FLRT2: variants seen among roughly 807,000 people sequenced by gnomAD.
FLRT2 encodes the protein leucine-rich repeat transmembrane protein FLRT2.
Under a neutral mutation model 40.0 loss-of-function variants are expected in FLRT2, and 15 were observed. That is an observed-to-expected ratio of 0.38 (90% confidence interval 0.25 to 0.58). FLRT2 has a LOEUF of 0.58. Among genes scored for constraint, FLRT2 ranks in the 20% least tolerant of loss-of-function variants. The pLI is 0.71. For missense variants in FLRT2, 726 were observed against 840.0 expected (o/e 0.86, Z 1.68); for synonymous variants, 380 against 336.8 (o/e 1.13, Z -1.41).
At position 85,622,179 on chromosome 14, in the gene FLRT2, C is replaced by G. The variant is rs144241609; in HGVS notation, c.665C>G (p.Ala222Gly). The change falls in exon 2 of 2, where the codon GCC becomes GGC. Residue 222 changes from alanine (A) to glycine (G), a missense_variant. By Grantham distance (60) the Ala-to-Gly change is moderately conservative (BLOSUM62 0). Around this residue, in one of 3 missense-constraint regions of FLRT2, gnomAD observed 611 missense variants for 690.0 expected, o/e 0.89. Transcript: ENST00000330753. ...AACCTCCTGACCAACAAGGGTATCG[C>G]CGAGGGCACCTTCAGCCATCTCACC... Reference protein sequence around the residue: ...DGNLLTNKGIAEGTFSHLTKL... With the variant: ...DGNLLTNKGIGEGTFSHLTKL... 143 of 1,614,080 alleles carry G rather than the reference C, an allele frequency of 8.9e-5. No individual in the cohort carries two copies. The African/African-American group carries it at 1.6e-3, about 18-fold the overall frequency.
intron 1 of FLRT2, among the ~76,000 whole-genome samples, chr14:85,582,253 T>G (rs1891421777): frequency 6.6e-6 from 1 of 152,322 alleles, no homozygotes; most frequent in Admixed American, 6.5e-5. Flanking sequence ...GATTATATGA[T>G]ATATGTGTTT....
In FLRT2 at chr14:85,631,112, T is replaced by TATATATATATATATATATATATATATATA. The variant is rs1893858889; in HGVS notation, c.*7615_*7616insATATATATATATATATATATATATATATA. ...TATAATTACATATATAATCTAGATT[T>TATATATATATATATATATATATATATATA]TATATATATATATATATGAAATGAG... On this transcript the variant is annotated 3_prime_UTR_variant, in exon 2 of 2. Coordinates refer to ENST00000330753, the MANE Select transcript of FLRT2 (RefSeq NM_013231.6). The TATATATATATATATATATATATATATATA allele has an allele frequency of 2.3e-4, 21 of 91,852 alleles. No individual in the cohort carries two copies. Among genetic ancestry groups the TATATATATATATATATATATATATATATA allele is most frequent in the Non-Finnish European group, 3.6e-4 (19 of 53,006 alleles). The allele number at this position is 91,852 out of a possible 1,614,324, so 5.7% of individuals were successfully genotyped here. A position where few individuals can be genotyped will look rare whatever the true frequency, so the allele number is the denominator to read the frequency against.
Position 85,623,403 on chromosome 14 carries a change from C to T in FLRT2, c.1889C>T (p.Pro630Leu), listed in dbSNP as rs754023658. ...GDFRLQPIYT[P>L]NGGINYTDCH... ...TTCAGACTGCAGCCCATTTACACCC[C>T]AAATGGGGGCATTAATTACACAGAC... Residue 630 changes from proline to leucine, a missense_variant, in exon 2 of 2, where the codon CCA becomes CTA. Around this residue, in one of 3 missense-constraint regions of FLRT2, gnomAD observed 611 missense variants for 690.0 expected, o/e 0.89. Coordinates refer to ENST00000330753, the MANE Select transcript of FLRT2 (RefSeq NM_013231.6). 3.3e-6 allele frequency: 5 copies of T among 1,507,824 alleles called. No individual in the cohort carries two copies. In the East Asian group the frequency reaches 1.2e-4, roughly 35 times the overall value. 93.4% of individuals were successfully genotyped at this position (1,507,824 alleles called of 1,614,324 possible).
Position 85,625,984 on chromosome 14 carries a change from A to G in FLRT2, c.*2487A>G, listed in dbSNP as rs1893667111. The G allele has an allele frequency of 6.0e-6, 1 of 167,102 alleles. No homozygotes were observed. The highest frequency in any genetic ancestry group is 6.5e-5 in the Admixed American group (1 of 15,284). The allele number at this position is 167,102 out of a possible 1,614,324, so 10.4% of individuals were successfully genotyped here. A position where few individuals can be genotyped will look rare whatever the true frequency, so the allele number is the denominator to read the frequency against. On this transcript the variant is annotated 3_prime_UTR_variant, in exon 2 of 2. Transcript: ENST00000330753. ...CAGAATTATTTGGGGCTTAAATGGT[A>G]CAATGGAGACAGTCATGTGCAATGC...
chr14:85,643,247 T>A lies in FLRT2; in HGVS notation c.*19750T>A, dbSNP rs1446397111. On this transcript the variant is annotated 3_prime_UTR_variant, in exon 2 of 2. Coordinates refer to ENST00000330753, the MANE Select transcript of FLRT2 (RefSeq NM_013231.6). ...TAACCCATCATATGATTCACTTTAA[T>A]GTCTAAAAACATCTCATGAGAGAGT... is the stretch of plus-strand genomic sequence containing the variant. 1 of 152,242 alleles carries A rather than the reference T, an allele frequency of 6.6e-6. No individual in the cohort carries two copies. Among genetic ancestry groups the A allele is most frequent in the Non-Finnish European group, 1.5e-5 (1 of 68,074 alleles). The allele number at this position is 152,242 out of a possible 1,614,324, so 9.4% of individuals were successfully genotyped here.
chr14:85,640,938 T>C lies in FLRT2; in HGVS notation c.*17441T>C, dbSNP rs1894134716. On this transcript the variant is annotated 3_prime_UTR_variant, in exon 2 of 2. Transcript: ENST00000330753. ...CTTCTGGCCTTTCTTCCCCGTGACCTTGGGCAAGTTGCTTAAACTGTAGCC... is the reference window on the plus strand; with the variant it reads ...CTTCTGGCCTTTCTTCCCCGTGACCCTGGGCAAGTTGCTTAAACTGTAGCC... The C allele has an allele frequency of 6.6e-6, 1 of 152,226 alleles. No homozygotes were observed. Among genetic ancestry groups the C allele is most frequent in the Admixed American group, 6.5e-5 (1 of 15,270 alleles). The allele number at this position is 152,226 out of a possible 1,614,324, so 9.4% of individuals were successfully genotyped here.
At chr14:85,618,440 C>T (rs1415308732) in intron 1 of FLRT2, among the ~76,000 whole-genome samples, 1 of 151,980 alleles carries the variant, frequency 6.6e-6, no homozygotes, top group Non-Finnish European at 1.5e-5. Context: ...TTAATAGCAC[C>T]AAACTGTTTT....
rs1194807185 is a variant in FLRT2 at position 85,625,057 on chromosome 14, AAG to A, written c.*1565_*1566del. ...AATCCTGGCAGAGCAGGGCGTAGAA[AAG>A]AGAGGATGTCCGTGCTTAATTCTAG... On this transcript the variant is annotated 3_prime_UTR_variant, in exon 2 of 2. Transcript: ENST00000330753. 6.0e-6 allele frequency: 1 copy of A among 167,054 alleles called. No individual in the cohort carries two copies. Among genetic ancestry groups the A allele is most frequent in the Non-Finnish European group, 1.5e-5 (1 of 68,128 alleles). 10.3% of individuals were successfully genotyped at this position (167,054 alleles called of 1,614,324 possible).
At chr14:85,557,529 G>A (rs973154250) in intron 1 of FLRT2, among the ~76,000 whole-genome samples, 6 of 152,282 alleles carry the variant, frequency 3.9e-5, no homozygotes, top group East Asian at 1.9e-4. Flanking sequence ...ACAAAAGCAC[G>A]GCAAGGCGCG....
intron 1 of FLRT2, among the ~76,000 whole-genome samples, chr14:85,543,185 A>G (rs967296698): frequency 3.3e-5 from 5 of 152,144 alleles, no homozygotes; most frequent in African/African-American, 1.2e-4. Context: ...CTGATGTGTT[A>G]AGTCTGTGAT....
At position 85,628,022 on chromosome 14, in the gene FLRT2, A is replaced by G. The variant is rs539599888; in HGVS notation, c.*4525A>G. On this transcript the variant is annotated 3_prime_UTR_variant, in exon 2 of 2. Coordinates refer to ENST00000330753, the MANE Select transcript of FLRT2 (RefSeq NM_013231.6). The stretch of plus-strand genomic sequence containing the variant: ...GCAGGAGGGCAGGAATAAAAGAGGT[A>G]ATAGGACTTTCGTATTCTCCTATCA... 3.7e-5 allele frequency: 6 copies of G among 161,400 alleles called. No homozygotes were observed. Among genetic ancestry groups the G allele is most frequent in the Admixed American group, 1.3e-4 (2 of 15,278 alleles). 10.0% of individuals were successfully genotyped at this position (161,400 alleles called of 1,614,324 possible). A position where few individuals can be genotyped will look rare whatever the true frequency, so the allele number is the denominator to read the frequency against.
In FLRT2 at chr14:85,647,729, CT is replaced by C. The variant is rs1894339581; in HGVS notation, c.*24238del. ...AGAAACATCTCTAAGAACTTCCATG[CT>C]TTTTTGTCAAGTTAAATGGACAACT... On this transcript the variant is annotated 3_prime_UTR_variant, in exon 2 of 2. Coordinates refer to ENST00000330753, the MANE Select transcript of FLRT2 (RefSeq NM_013231.6). 3 of 152,114 alleles carry C rather than the reference CT, an allele frequency of 2.0e-5. No homozygotes were observed. The highest frequency in any genetic ancestry group is 4.4e-5 in the Non-Finnish European group (3 of 68,040). The allele number at this position is 152,114 out of a possible 1,614,324, so 9.4% of individuals were successfully genotyped here.
rs192179368 is a variant in FLRT2 at position 85,625,166 on chromosome 14, C to G, written c.*1669C>G. On this transcript the variant is annotated 3_prime_UTR_variant, in exon 2 of 2. Coordinates refer to ENST00000330753, the MANE Select transcript of FLRT2 (RefSeq NM_013231.6). ...ATAGAGAAGGGCTATAGATCACATA[C>G]GTTATCAAAAACTACTCCCTTGGAA... 1.2e-5 allele frequency: 2 copies of G among 167,040 alleles called. No homozygotes were observed. The highest frequency in any genetic ancestry group is 2.9e-5 in the Non-Finnish European group (2 of 68,104). 10.3% of individuals were successfully genotyped at this position (167,040 alleles called of 1,614,324 possible).
intron 1 of FLRT2, among the ~76,000 whole-genome samples, chr14:85,550,645 T>C (rs988496296): frequency 6.6e-6 from 1 of 152,190 alleles, no homozygotes; most frequent in Non-Finnish European, 1.5e-5. Flanking sequence ...GAAGTTAGGG[T>C]TGTTTTAGCC....
chr14:85,615,489 C>T (rs917066107), intron 1 of FLRT2, among the ~76,000 whole-genome samples: 2 of 152,132 alleles, frequency 1.3e-5, no homozygotes, highest in African/African-American at 4.8e-5. Flanking sequence ...CCCTCCTCCC[C>T]TCCCTCTCTC....
intron 1 of FLRT2, among the ~76,000 whole-genome samples, chr14:85,536,317 T>C (rs1475761171): frequency 1.3e-5 from 2 of 152,162 alleles, no homozygotes; most frequent in Non-Finnish European, 2.9e-5. Context: ...TGTGAACATC[T>C]GATCTAGTTT....
intron 1 of FLRT2, among the ~76,000 whole-genome samples, chr14:85,607,542 G>A (rs1892676063): frequency 6.6e-6 from 1 of 152,160 alleles, no homozygotes; most frequent in Non-Finnish European, 1.5e-5. Context: ...GGAAAAGAAA[G>A]TTTTCGGCTC....
intron 1 of FLRT2, among the ~76,000 whole-genome samples, chr14:85,535,912 T>G (rs1284363512): frequency 9.7e-5 from 8 of 82,622 alleles, no homozygotes; most frequent in South Asian, 9.4e-4. Flanking sequence ...TTTTTTTTTT[T>G]TTTTTTTTTG....
intron 1 of FLRT2, among the ~76,000 whole-genome samples, chr14:85,570,560 A>T (rs868756441): frequency 4.2e-3 from 432 of 103,118 alleles, no homozygotes; most frequent in African/African-American, 5.9e-3. Flanking sequence ...ATTTTTATTT[A>T]TTTTATTTAT....
Sources: gnomAD v4.1 joint callset for allele counts (sites outside exome capture counted in the v4.1 genomes callset) on GRCh38, gnomAD v4.1.1 for gene constraint, gnomAD v4.1.1 regional missense constraint, MANE v1.5 for transcripts, NCBI Gene and HGNC (gene_info 2026-07-23, HGNC 2026-07-21) for gene names.